BANP: variants seen among roughly 807,000 people sequenced by gnomAD.
The protein encoded by BANP is BTG3 associated nuclear protein, also known as protein BANP.
In BANP, 11 loss-of-function variants were observed where a neutral mutation model predicts 68.1. That is an observed-to-expected ratio of 0.16 (90% confidence interval 0.10 to 0.27). The LOEUF is 0.27. BANP is among the 10% of genes least tolerant of loss of function. The probability of loss-of-function intolerance (pLI) is 1.00; values close to 1 mark genes in which losing one functional copy is unlikely to be tolerated. For missense variants in BANP, 504 were observed against 722.7 expected (o/e 0.70, Z 3.47); for synonymous variants, 329 against 303.2 (o/e 1.09, Z -0.88).
chr16:87,985,587 G>T (rs1352151587), intron 4 of BANP, among the ~76,000 whole-genome samples: 1 of 152,182 alleles, frequency 6.6e-6, no homozygotes, highest in Non-Finnish European at 1.5e-5. Flanking sequence ...AAAAGAAAAT[G>T]TAATTTATAA....
chr16:88,007,192 T>C (rs1450238737), intron 6 of BANP, among the ~76,000 whole-genome samples: 2 of 152,180 alleles, frequency 1.3e-5, no homozygotes, highest in Non-Finnish European at 2.9e-5. Flanking sequence ...TTTCCAGGGA[T>C]GGCCCCCTCT....
intron 7 of BANP, among the ~76,000 whole-genome samples, chr16:88,019,224 A>C (rs909016104): frequency 4.6e-5 from 7 of 152,186 alleles, no homozygotes; most frequent in Non-Finnish European, 1.0e-4. Flanking sequence ...GATTTGCTCC[A>C]GGTGGCGATT....
At chr16:87,982,831 A>G (rs1293305529) in intron 3 of BANP, 1 of 152,266 alleles carries the variant, frequency 6.6e-6, no homozygotes, top group Non-Finnish European at 1.5e-5. Flanking sequence ...TGCCAGCTAC[A>G]TGATGTATGA....
In BANP at chr16:88,057,346, C is replaced by T. The variant is rs2085335905; in HGVS notation, c.1312-7921C>T. On this transcript the variant is annotated intron_variant, in intron 11 of 13. Transcript: ENST00000682872. This position sits in a 1 kb window ranked among gnomAD's most constrained non-coding sequence, Gnocchi z 4.6. Reference sequence around the variant, plus strand: ...CAAGAATTATCTTCTGGAAGGCTACCAGAGTAGCTGCCTGCGAAAGGAAAC... The same window carrying T: ...CAAGAATTATCTTCTGGAAGGCTACTAGAGTAGCTGCCTGCGAAAGGAAAC... 6.6e-6 allele frequency among the ~76,000 whole-genome samples: 1 copy of T among 152,112 alleles called. No homozygotes were observed. Among genetic ancestry groups the T allele is most frequent in the Non-Finnish European group, 1.5e-5 (1 of 68,026 alleles).
At chr16:87,966,235 C>T (rs544426562) in intron 1 of BANP, among the ~76,000 whole-genome samples, 2 of 152,278 alleles carry the variant, frequency 1.3e-5, no homozygotes, top group African/African-American at 4.8e-5. Context: ...GCTGTACATT[C>T]AGGGTGTTAC....
chr16:87,981,553 A>G (rs1182588286), intron 3 of BANP, among the ~76,000 whole-genome samples: 1 of 152,210 alleles, frequency 6.6e-6, no homozygotes, highest in Non-Finnish European at 1.5e-5. Flanking sequence ...TTCCAAAGAG[A>G]CCACATGGGT....
intron 10 of BANP, 85 bp downstream of exon 10, chr16:88,035,479 C>A: frequency 7.7e-7 from 1 of 1,296,430 alleles, no homozygotes; most frequent in East Asian, 2.6e-5. Context: ...AGTGCGAGGG[C>A]AGCAGGGAGC....
Position 88,004,550 on chromosome 16 carries a change from G to A in BANP, c.479+139G>A, listed in dbSNP as rs115501145. The A allele has an allele frequency of 7.6e-3, 4,496 of 590,804 alleles. 174 individuals carry two copies. The African/African-American group carries it at 0.079, about 10-fold the overall frequency. The allele number at this position is 590,804 out of a possible 1,614,324, so 36.6% of individuals were successfully genotyped here. A position where few individuals can be genotyped will look rare whatever the true frequency, so the allele number is the denominator to read the frequency against. On this transcript the variant is annotated intron_variant, in intron 5 of 13. Transcript: ENST00000682872. The surrounding 1 kb of genome is among the most constrained non-coding windows in gnomAD (Gnocchi z 7.0). ...CACAGGGTTGAGCCTGGCAGGCACC[G>A]CCCCAGCTCTCTGAGGTCGGGGAGG...
chr16:87,981,607 G>C (rs1468924399), intron 3 of BANP, among the ~76,000 whole-genome samples: 1 of 152,234 alleles, frequency 6.6e-6, no homozygotes, highest in African/African-American at 2.4e-5. Context: ...TTAGGATGTG[G>C]CTATATCACC....
intron 11 of BANP, among the ~76,000 whole-genome samples, chr16:88,044,750 G>C (rs1390672693): frequency 6.6e-6 from 1 of 152,218 alleles, no homozygotes; most frequent in African/African-American, 2.4e-5. Context: ...TTGGGAGGCC[G>C]AGGCAGGTGG....
At chr16:87,973,154 T>A (rs1012239870) in intron 1 of BANP, among the ~76,000 whole-genome samples, 2 of 152,058 alleles carry the variant, frequency 1.3e-5, no homozygotes, top group Non-Finnish European at 2.9e-5. Flanking sequence ...TTTAGGGAGA[T>A]TAAACATCTG....
At chr16:87,991,596 C>T (rs1277037538) in intron 4 of BANP, among the ~76,000 whole-genome samples, 1 of 152,196 alleles carries the variant, frequency 6.6e-6, no homozygotes, top group Non-Finnish European at 1.5e-5. Context: ...TTTCAGTGTT[C>T]AGCTTCTGTG....
chr16:88,075,781 C>G (rs180822214), intron 13 of BANP, among the ~76,000 whole-genome samples: 2 of 139,840 alleles, frequency 1.4e-5, no homozygotes, highest in African/African-American at 5.3e-5. Flanking sequence ...GAGTCTGGCT[C>G]TGTTGCCCAG....
At chr16:87,995,843 C>T (rs891946210) in intron 4 of BANP, among the ~76,000 whole-genome samples, 4 of 152,224 alleles carry the variant, frequency 2.6e-5, no homozygotes, top group Admixed American at 6.5e-5. Flanking sequence ...GGGGAAGCAG[C>T]GCGCCCGGCC....
chr16:88,038,605 T>C (rs1001482982), intron 11 of BANP, among the ~76,000 whole-genome samples: 5 of 152,066 alleles, frequency 3.3e-5, no homozygotes, highest in African/African-American at 1.2e-4. Context: ...ACTCACAAAC[T>C]TGCCAGCTTT....
chr16:87,961,788 A>G (rs1251294122), intron 1 of BANP, among the ~76,000 whole-genome samples: 1 of 152,262 alleles, frequency 6.6e-6, no homozygotes, highest in South Asian at 2.1e-4. Flanking sequence ...CAGTGCATTT[A>G]TAGACTAATG....
chr16:87,992,592 G>A (rs1429839966), intron 4 of BANP, among the ~76,000 whole-genome samples: 3 of 152,016 alleles, frequency 2.0e-5, no homozygotes, highest in Non-Finnish European at 2.9e-5. Flanking sequence ...TCAGGAGTTC[G>A]AGACCAGCCT....
intron 4 of BANP, among the ~76,000 whole-genome samples, chr16:87,993,602 T>C (rs568211122): frequency 1.2e-3 from 160 of 129,316 alleles, no homozygotes; most frequent in African/African-American, 3.7e-3. Context: ...TTTTTTTTTT[T>C]CCCTTTTTTT....
At chr16:87,978,306 C>CCT in intron 2 of BANP, 1 of 208,686 alleles carries the variant, frequency 4.8e-6, no homozygotes, top group South Asian at 6.9e-5. Context: ...TTACTGCACG[C>CCT]CTCTCTTCTG....
Sources: allele counts gnomAD v4.1 joint callset (sites outside exome capture counted in the v4.1 genomes callset), GRCh38; gene constraint gnomAD v4.1.1; non-coding constraint Gnocchi (gnomAD v3.1); transcripts MANE v1.5; gene names NCBI Gene and HGNC (gene_info 2026-07-23, HGNC 2026-07-21).